The following JAZF1 variants were observed in gnomAD, a reference collection of about 807,000 sequenced individuals.
The protein encoded by JAZF1 is juxtaposed with another zinc finger protein 1.
JAZF1 carries 8 observed loss-of-function variants against 26.4 expected under a neutral mutation model. The ratio of observed to expected loss-of-function variants is 0.30; its 90% confidence interval spans 0.18 to 0.55. JAZF1 has a LOEUF of 0.55. Among genes scored for constraint, JAZF1 ranks in the 20% least tolerant of loss-of-function variants. The probability of loss-of-function intolerance (pLI) is 0.94; values close to 1 mark genes in which losing one functional copy is unlikely to be tolerated. For missense variants in JAZF1, 199 were observed against 322.0 expected (o/e 0.62, Z 2.92); for synonymous variants, 126 against 122.3 (o/e 1.03, Z -0.20).
intron 1 of JAZF1, among the ~76,000 whole-genome samples, chr7:28,073,890 A>G (rs1784013135): frequency 6.6e-6 from 1 of 152,194 alleles, no homozygotes; most frequent in South Asian, 2.1e-4. Context: ...AATCGTAATT[A>G]GAAAGAAATT....
At chr7:28,094,301 T>C (rs1371349874) in intron 1 of JAZF1, among the ~76,000 whole-genome samples, 1 of 152,170 alleles carries the variant, frequency 6.6e-6, no homozygotes, top group Non-Finnish European at 1.5e-5. Context: ...AGATCCCTAA[T>C]GTTCACTCAG....
intron 2 of JAZF1, among the ~76,000 whole-genome samples, chr7:27,936,519 T>A (rs950519509): frequency 6.6e-6 from 1 of 152,224 alleles, no homozygotes; most frequent in Non-Finnish European, 1.5e-5. Context: ...AATAATCTTT[T>A]ATTTTTTATT....
chr7:27,856,210 C>T (rs534536529), intron 3 of JAZF1, among the ~76,000 whole-genome samples: 21 of 152,230 alleles, frequency 1.4e-4, no homozygotes, highest in East Asian at 1.2e-3. Flanking sequence ...TTCGTGGTCT[C>T]GCTGGCTCAG....
chr7:28,042,612 T>C (rs895064150), intron 1 of JAZF1, among the ~76,000 whole-genome samples: 1 of 152,226 alleles, frequency 6.6e-6, no homozygotes, highest in Non-Finnish European at 1.5e-5. Flanking sequence ...TCCTATGCAC[T>C]ATAACATATA....
chr7:27,974,012 G>T (rs1021484538), intron 2 of JAZF1, among the ~76,000 whole-genome samples: 1 of 152,182 alleles, frequency 6.6e-6, no homozygotes, highest in Admixed American at 6.5e-5. Context: ...TTGGAAACAG[G>T]GGTGAGGAGA....
intron 2 of JAZF1, among the ~76,000 whole-genome samples, chr7:27,962,416 A>C (rs1785200680): frequency 6.6e-6 from 1 of 152,232 alleles, no homozygotes; most frequent in Non-Finnish European, 1.5e-5. Context: ...AGTTTATCCA[A>C]CTGGCTCTCA....
intron 1 of JAZF1, among the ~76,000 whole-genome samples, chr7:28,072,282 C>T (rs1211051793): frequency 1.3e-5 from 2 of 152,210 alleles, no homozygotes; most frequent in African/African-American, 4.8e-5. Flanking sequence ...AAACAAACTT[C>T]TATAATCAAC....
intron 1 of JAZF1, among the ~76,000 whole-genome samples, chr7:27,999,686 C>A (rs116122890): frequency 6.6e-6 from 1 of 152,090 alleles, no homozygotes; most frequent in South Asian, 2.1e-4. Context: ...ATCTTAGAGG[C>A]CACAAATCCT....
chr7:27,843,346 A>C (rs1420112513), intron 3 of JAZF1: 1 of 152,182 alleles, frequency 6.6e-6, no homozygotes, highest in Non-Finnish European at 1.5e-5. Context: ...CTTGGCTTTT[A>C]TTTTCTCTTT....
chr7:27,902,745 G>C (rs1034996118), intron 2 of JAZF1, among the ~76,000 whole-genome samples: 1 of 152,138 alleles, frequency 6.6e-6, no homozygotes, highest in African/African-American at 2.4e-5. Flanking sequence ...TGCTGGGCAC[G>C]GTGGCTCACG....
At chr7:28,158,401 G>A (rs1487637183) in intron 1 of JAZF1, among the ~76,000 whole-genome samples, 1 of 152,144 alleles carries the variant, frequency 6.6e-6, no homozygotes, top group Non-Finnish European at 1.5e-5. Flanking sequence ...GAAATCAGGA[G>A]TGCTAACGAA....
intron 2 of JAZF1, among the ~76,000 whole-genome samples, chr7:27,972,750 C>A (rs374858324): frequency 1.3e-5 from 2 of 151,838 alleles, no homozygotes; most frequent in African/African-American, 4.8e-5. Context: ...TAGTATTTTG[C>A]GTTGCTGTTA....
chr7:27,951,960 A>G (rs1344111352), intron 2 of JAZF1, among the ~76,000 whole-genome samples: 1 of 152,148 alleles, frequency 6.6e-6, no homozygotes, highest in East Asian at 1.9e-4. Context: ...TAGAGAAACT[A>G]CAAAAGCCTA....
intron 1 of JAZF1, among the ~76,000 whole-genome samples, chr7:28,026,823 TG>T (rs1303536568): frequency 6.6e-6 from 1 of 152,196 alleles, no homozygotes; most frequent in Non-Finnish European, 1.5e-5. Context: ...ACCTCCTTAC[TG>T]GTGAGTGGTC....
At chr7:27,839,705 A>T (rs374663117) in intron 4 of JAZF1, among the ~76,000 whole-genome samples, 1 of 152,224 alleles carries the variant, frequency 6.6e-6, no homozygotes, top group Non-Finnish European at 1.5e-5. Flanking sequence ...TAGAAATGCT[A>T]ACTTTGTGAT....
At chr7:27,911,479 A>C (rs1444124378) in intron 2 of JAZF1, among the ~76,000 whole-genome samples, 3 of 152,206 alleles carry the variant, frequency 2.0e-5, no homozygotes, top group African/African-American at 7.2e-5. Flanking sequence ...TGTGTTGTTC[A>C]ATACAGTAGC....
chr7:28,113,477 T>C (rs1422582833), intron 1 of JAZF1, among the ~76,000 whole-genome samples: 3 of 152,206 alleles, frequency 2.0e-5, no homozygotes, highest in Non-Finnish European at 4.4e-5. Context: ...TACTCCTCTC[T>C]GACCTTGGGC....
chr7:27,949,260 A>T (rs1377789948), intron 2 of JAZF1, among the ~76,000 whole-genome samples: 2 of 152,198 alleles, frequency 1.3e-5, no homozygotes, highest in East Asian at 3.8e-4. Flanking sequence ...CTGTCAACAC[A>T]ACAATTCTGG....
At chr7:27,855,484 A>ATC (rs1783231684) in intron 3 of JAZF1, among the ~76,000 whole-genome samples, 1 of 152,166 alleles carries the variant, frequency 6.6e-6, no homozygotes, top group African/African-American at 2.4e-5. Context: ...ACTAATAAGA[A>ATC]AAGAGAGAAG....
Sources: gnomAD v4.1 joint callset for allele counts (sites outside exome capture counted in the v4.1 genomes callset) on GRCh38, gnomAD v4.1.1 for gene constraint, MANE v1.5 for transcripts, NCBI Gene and HGNC (gene_info 2026-07-23, HGNC 2026-07-21) for gene names.